Variants in NIN observed in about 807,000 individuals in gnomAD.
The protein encoded by NIN is ninein.
Under a neutral mutation model 257.6 loss-of-function variants are expected in NIN, and 137 were observed. The observed-to-expected ratio is 0.53, with a 90% CI of 0.46 to 0.61. The LOEUF is 0.61. Among genes scored for constraint, NIN ranks in the 20% least tolerant of loss-of-function variants. The pLI is 0.00. For missense variants in NIN, 2,439 were observed against 2,501.2 expected (o/e 0.98, Z 0.53); for synonymous variants, 918 against 919.8 (o/e 1.00, Z 0.04).
chr14:50,772,433 T>G lies in NIN; in HGVS notation c.849A>C (p.Ser283=), dbSNP rs2042772140. The part of the protein sequence containing the change: ...FDESGRRTTT[S]SAMTSTIGFR... ...AGCCAATGGTACTTGTCATTGCTGATGAGGTTGTGGTACGTCGTCCACTCT... is the reference window on the plus strand; with the variant it reads ...AGCCAATGGTACTTGTCATTGCTGAGGAGGTTGTGGTACGTCGTCCACTCT... Residue 283 remains serine (S), a synonymous_variant, in exon 9 of 31, where the codon TCA becomes TCC. Coordinates refer to ENST00000530997, the MANE Select transcript of NIN (RefSeq NM_020921.4). 6.2e-7 allele frequency: 1 copy of G among 1,614,194 alleles called. No individual in the cohort carries two copies. The highest frequency in any genetic ancestry group is 2.2e-5 in the East Asian group (1 of 44,882).
intron 4 of NIN, among the ~76,000 whole-genome samples, chr14:50,796,514 C>T (rs373192804): frequency 5.3e-5 from 8 of 152,270 alleles, no homozygotes; most frequent in Non-Finnish European, 8.8e-5. Flanking sequence ...GTTGCTCACA[C>T]GCCACATTTG....
In NIN at chr14:50,735,502, G is replaced by A. The variant is rs769194389; in HGVS notation, c.5877+14C>T. The A allele has an allele frequency of 6.2e-7, 1 of 1,612,130 alleles. No individual in the cohort carries two copies. Among genetic ancestry groups the A allele is most frequent in the East Asian group, 2.2e-5 (1 of 44,854 alleles). ...ATATTCTTCATAGCTAAGGCCATCT[G>A]CTGAGAAACTTACCTCCATGAGCTG... On this transcript the variant is annotated intron_variant, in intron 28 of 30. Transcript: ENST00000530997.
In NIN at chr14:50,770,399, G is replaced by A; in HGVS notation, c.1423C>T (p.Leu475Phe). ...AATAAGATGATTACCTTTAAAGAGA[G>A]GGCAAGGCGGTCCCGGATATAGTTC... ...EENYIRDRLALSLKENSRLEN... is the reference protein window; with the variant it reads ...EENYIRDRLAFSLKENSRLEN... Residue 475 changes from leucine (L) to phenylalanine (F), a missense_variant, in exon 12 of 31, where the codon CTC (leucine) becomes TTC (phenylalanine). By Grantham distance (22) the Leu-to-Phe change is conservative. Coordinates refer to ENST00000530997, the MANE Select transcript of NIN (RefSeq NM_020921.4). 6.2e-7 allele frequency: 1 copy of A among 1,614,162 alleles called. No homozygotes were observed. Among genetic ancestry groups the A allele is most frequent in the Non-Finnish European group, 8.5e-7 (1 of 1,180,020 alleles).
chr14:50,819,454 G>A (rs2045094226), intron 3 of NIN, among the ~76,000 whole-genome samples: 1 of 152,108 alleles, frequency 6.6e-6, no homozygotes, highest in African/African-American at 2.4e-5. Flanking sequence ...TTTTATAAGG[G>A]GTTTCCCCTT....
At chr14:50,734,604 C>A in intron 28 of NIN, among the ~76,000 whole-genome samples, 1 of 152,152 alleles carries the variant, frequency 6.6e-6, no homozygotes, top group Non-Finnish European at 1.5e-5. Flanking sequence ...TAATTAAACT[C>A]GGTATTCAGA....
At position 50,741,661 on chromosome 14, in the gene NIN, C is replaced by G. The variant is rs369558417; in HGVS notation, c.5369G>C (p.Arg1790Pro). ...LQMSRMKSDL[R>P]VTQQEKEALK... ...AGCCTCCTTTTCCTGCTGAGTCACTCGTAGGTCAGATTTCATCCGGGACAT... is the reference window on the plus strand; with the variant it reads ...AGCCTCCTTTTCCTGCTGAGTCACTGGTAGGTCAGATTTCATCCGGGACAT... The change falls in exon 25 of 31, where the codon CGA becomes CCA. Residue 1790 changes from arginine (R) to proline (P), a missense_variant. Around this residue, in one of 3 missense-constraint regions of NIN, gnomAD observed 2,043 missense variants for 2,050.2 expected, o/e 1.00. Transcript: ENST00000530997. The G allele has an allele frequency of 1.2e-6, 2 of 1,613,976 alleles. No homozygotes were observed. The highest frequency in any genetic ancestry group is 1.3e-5 in the African/African-American group (1 of 74,922).
At chr14:50,809,230 A>T (rs2044471393) in intron 3 of NIN, among the ~76,000 whole-genome samples, 1 of 152,126 alleles carries the variant, frequency 6.6e-6, no homozygotes, top group Non-Finnish European at 1.5e-5. Flanking sequence ...TCAAAAGAAA[A>T]GAAAAAAAGA....
chr14:50,727,003 T>C (rs891772639), intron 29 of NIN, among the ~76,000 whole-genome samples: 19 of 152,040 alleles, frequency 1.2e-4, no homozygotes, highest in African/African-American at 4.3e-4. Flanking sequence ...AGGATAAAAA[T>C]TGTAATAGGC....
At chr14:50,803,978 C>T (rs2142160702) in intron 4 of NIN, among the ~76,000 whole-genome samples, 1 of 152,058 alleles carries the variant, frequency 6.6e-6, no homozygotes, top group East Asian at 1.9e-4. Flanking sequence ...CTACTGCAAC[C>T]TCCGCCTCCT....
chr14:50,756,922 G>A lies in NIN; in HGVS notation c.4108C>T (p.Leu1370=). The A allele has an allele frequency of 6.4e-7, 1 of 1,567,952 alleles. No homozygotes were observed. The highest frequency in any genetic ancestry group is 2.4e-5 in the East Asian group (1 of 42,312). Residue 1370 remains leucine (L), a synonymous_variant, in exon 18 of 31, where the codon CTG becomes TTG. Coordinates refer to ENST00000530997, the MANE Select transcript of NIN (RefSeq NM_020921.4). ...CTAACCCTGGGCACACACTCTTCCA[G>A]TGTCTGATTGAGCTGGAGTATATTT... The part of the protein sequence containing the change: ...DGNILQLNQT[L]EECVPRVRSV...
chr14:50,777,618 C>T (rs2042972793), intron 6 of NIN, among the ~76,000 whole-genome samples: 1 of 152,060 alleles, frequency 6.6e-6, no homozygotes. Flanking sequence ...TCAACATTAG[C>T]CTGTTCCCAA....
At chr14:50,815,684 T>C (rs2044858545) in intron 3 of NIN, among the ~76,000 whole-genome samples, 1 of 152,116 alleles carries the variant, frequency 6.6e-6, no homozygotes, top group African/African-American at 2.4e-5. Context: ...ATGTGGTACA[T>C]ATATACCATG....
At chr14:50,781,355 T>C (rs189435840) in intron 5 of NIN, among the ~76,000 whole-genome samples, 1 of 152,292 alleles carries the variant, frequency 6.6e-6, no homozygotes, top group African/African-American at 2.4e-5. Context: ...AGTTGGAATA[T>C]ACAGCTGTAA....
At chr14:50,723,791 T>G in intron 30 of NIN, 119 bp from the exon 31 acceptor site, 1 of 764,074 alleles carries the variant, frequency 1.3e-6, no homozygotes, top group Non-Finnish European at 2.1e-6. Context: ...TCTAATTATA[T>G]TCTTTTATTT....
At chr14:50,748,583 A>G (rs2041655962) in intron 21 of NIN, among the ~76,000 whole-genome samples, 1 of 152,210 alleles carries the variant, frequency 6.6e-6, no homozygotes, top group Non-Finnish European at 1.5e-5. Flanking sequence ...CCATTGTCTC[A>G]GCCCCAAATC....
intron 5 of NIN, among the ~76,000 whole-genome samples, chr14:50,782,849 G>A: frequency 6.6e-6 from 1 of 152,196 alleles, no homozygotes; most frequent in Non-Finnish European, 1.5e-5. Flanking sequence ...GCTCAGGCTG[G>A]TGAATGTTGG....
intron 25 of NIN, among the ~76,000 whole-genome samples, chr14:50,740,565 G>C (rs944233391): frequency 6.6e-6 from 1 of 152,130 alleles, no homozygotes; most frequent in South Asian, 2.1e-4. Context: ...GGGCAGGCTG[G>C]TCTTGAAGTC....
chr14:50,731,788 T>C (rs2140373584), intron 28 of NIN, among the ~76,000 whole-genome samples: 1 of 152,318 alleles, frequency 6.6e-6, no homozygotes. Context: ...ATCGCGCCAC[T>C]GCATTCCCAC....
intron 2 of NIN, among the ~76,000 whole-genome samples, chr14:50,826,421 C>G (rs116401618): frequency 0.014 from 2,102 of 152,280 alleles, 52 homozygotes; most frequent in African/African-American, 0.048. Context: ...CACTCAATAA[C>G]CACCCATAAT....
Sources: allele counts gnomAD v4.1 joint callset (sites outside exome capture counted in the v4.1 genomes callset), GRCh38; gene constraint gnomAD v4.1.1; regional missense constraint gnomAD v4.1.1; transcripts MANE v1.5; gene names NCBI Gene and HGNC (gene_info 2026-07-23, HGNC 2026-07-21).